The following TCF12 variants were observed in gnomAD, a reference collection of about 807,000 sequenced individuals.
The protein encoded by TCF12 is transcription factor 12.
A neutral mutation model predicts 86.0 loss-of-function variants in TCF12; 45 were observed. The ratio of observed to expected loss-of-function variants is 0.52; its 90% CI spans 0.41 to 0.67. TCF12 has a LOEUF of 0.67. Ranked by LOEUF, TCF12 falls within the 30% of genes least tolerant of loss-of-function variation. The probability of loss-of-function intolerance (pLI) is 0.00; values close to 1 mark genes in which losing one functional copy is unlikely to be tolerated. For missense variants in TCF12, 881 were observed against 859.9 expected, an observed-to-expected ratio of 1.02 and a Z score of -0.31; for synonymous variants, 330 against 299.6, an observed-to-expected ratio of 1.10 and a Z score of -1.05.
At position 57,046,701 on chromosome 15, in the gene TCF12, C is replaced by G. The variant is rs550964658; in HGVS notation, c.149-17049C>G. Among the ~76,000 whole-genome samples, 5 of 152,338 alleles carry G rather than the reference C, an allele frequency of 3.3e-5. No individual in the cohort carries two copies. In the East Asian group the frequency reaches 9.7e-4, roughly 29 times the overall value. On this transcript the variant is annotated intron_variant, in intron 3 of 20. Coordinates refer to ENST00000333725, the MANE Select transcript of TCF12 (RefSeq NM_207037.2). Reference sequence around the variant, plus strand: ...GAACTCCTGACCTCAAGTGATCCACCTGCCTTGGCCTCCCCAAGTGCTGGG... The same window carrying G: ...GAACTCCTGACCTCAAGTGATCCACGTGCCTTGGCCTCCCCAAGTGCTGGG...
intron 18 of TCF12, among the ~76,000 whole-genome samples, chr15:57,269,057 G>A (rs1445460636): frequency 6.6e-6 from 1 of 152,138 alleles, no homozygotes; most frequent in Non-Finnish European, 1.5e-5. Flanking sequence ...GTCCAGAGCT[G>A]AGTTCAAGTC....
intron 8 of TCF12, among the ~76,000 whole-genome samples, chr15:57,222,883 C>A (rs769166629): frequency 7.0e-6 from 1 of 142,896 alleles, no homozygotes; most frequent in Admixed American, 7.5e-5. Context: ...ACAGAGTATT[C>A]CAGGTATAAA....
intron 8 of TCF12, among the ~76,000 whole-genome samples, chr15:57,212,468 A>G (rs2058152360): frequency 6.6e-6 from 1 of 152,090 alleles, no homozygotes; most frequent in Non-Finnish European, 1.5e-5. Flanking sequence ...TTGTAGAGAC[A>G]GGTCTTGCCA....
intron 18 of TCF12, among the ~76,000 whole-genome samples, chr15:57,267,933 AT>A (rs2060945490): frequency 6.6e-6 from 1 of 152,252 alleles, no homozygotes. Flanking sequence ...AAAATGATGC[AT>A]GTAAAACCCT....
At chr15:57,179,595 C>T (rs757502455) in intron 6 of TCF12, among the ~76,000 whole-genome samples, 55 of 152,124 alleles carry the variant, frequency 3.6e-4, no homozygotes, top group Non-Finnish European at 7.2e-4. Context: ...TGATGGATGA[C>T]TGTCATCTTC....
intron 3 of TCF12, among the ~76,000 whole-genome samples, chr15:56,944,708 A>T (rs547990159): frequency 2.0e-5 from 3 of 152,118 alleles, no homozygotes; most frequent in African/African-American, 7.2e-5. Context: ...TACCATGGGG[A>T]CAGTGAAGTC....
intron 5 of TCF12, among the ~76,000 whole-genome samples, chr15:57,149,221 C>A (rs1263318242): frequency 6.6e-6 from 1 of 152,166 alleles, no homozygotes; most frequent in Admixed American, 6.5e-5. Flanking sequence ...CAGTGTTTTT[C>A]ATGCCCTGTG....
intron 5 of TCF12, among the ~76,000 whole-genome samples, chr15:57,104,094 G>A (rs2049948360): frequency 6.6e-6 from 1 of 152,152 alleles, no homozygotes; most frequent in South Asian, 2.1e-4. Flanking sequence ...GCAGAGTAAT[G>A]TATTATTGCA....
intron 19 of TCF12, 133 bp from the exon 20 acceptor site, chr15:57,282,312 G>A (rs1401608220): frequency 9.8e-7 from 1 of 1,019,466 alleles, no homozygotes; most frequent in Non-Finnish European, 1.5e-6. Context: ...TTTTATGTGA[G>A]CACATTGTTT....
At chr15:57,123,853 AG>A (rs1326617185) in intron 5 of TCF12, among the ~76,000 whole-genome samples, 1 of 151,766 alleles carries the variant, frequency 6.6e-6, no homozygotes, top group African/African-American at 2.4e-5. Flanking sequence ...CAAGCTACGC[AG>A]GAGGCTGAAG....
At chr15:57,030,800 G>T (rs2733171) in intron 3 of TCF12, among the ~76,000 whole-genome samples, 85,109 of 152,024 alleles carry the variant, frequency 0.56, 25,201 homozygotes, top group African/African-American at 0.75. Context: ...TTAGTAACTT[G>T]CTGATTAGTA....
At chr15:57,162,929 A>G (rs1259358242) in intron 5 of TCF12, among the ~76,000 whole-genome samples, 1 of 152,122 alleles carries the variant, frequency 6.6e-6, no homozygotes, top group Non-Finnish European at 1.5e-5. Flanking sequence ...TAATCCCAGC[A>G]CTTTGAGAGG....
chr15:57,277,268 C>G (rs114830947), intron 19 of TCF12, among the ~76,000 whole-genome samples: 1 of 151,928 alleles, frequency 6.6e-6, no homozygotes, highest in Admixed American at 6.6e-5. Context: ...GAGGCTGAAG[C>G]GAGCTGTGAT....
chr15:57,012,077 G>A (rs1324275676), intron 3 of TCF12, among the ~76,000 whole-genome samples: 3 of 152,026 alleles, frequency 2.0e-5, no homozygotes, highest in Middle Eastern at 3.2e-3. Flanking sequence ...TTCTTAAGCA[G>A]GGATCTTAAT....
chr15:57,011,124 C>A lies in TCF12; in HGVS notation c.149-52626C>A, dbSNP rs115961717. Among the ~76,000 whole-genome samples, 786 of 152,192 alleles carry A rather than the reference C, an allele frequency of 5.2e-3. 12 individuals carry two copies. The highest frequency in any genetic ancestry group is 0.018 in the African/African-American group (753 of 41,524). On this transcript the variant is annotated intron_variant, in intron 3 of 20. Coordinates refer to ENST00000333725, the MANE Select transcript of TCF12 (RefSeq NM_207037.2). ...AATCATTTTTTAAAAAAATTAAATG[C>A]TGAAGAAACAAAAGATACTAATGTG...
rs1015449943 is a variant in TCF12, at chr15:57,187,898, C to A, written c.391-4260C>A. ...TGAGCCATGATTGTGCCAGTGCACT[C>A]CAGCCTGGGAGCCTGGATGATAGAG... On this transcript the variant is annotated intron_variant, in intron 6 of 20. Coordinates refer to ENST00000333725, the MANE Select transcript of TCF12 (RefSeq NM_207037.2). Among the ~76,000 whole-genome samples the A allele has an allele frequency of 2.0e-5, 3 of 151,940 alleles. No homozygotes were observed. The East Asian group carries it at 5.8e-4, about 29-fold the overall frequency.
intron 3 of TCF12, among the ~76,000 whole-genome samples, chr15:56,962,888 T>C (rs973218798): frequency 2.0e-5 from 3 of 152,190 alleles, no homozygotes; most frequent in Non-Finnish European, 2.9e-5. Context: ...TTAATGACTT[T>C]ATTGTAGCCT....
intron 5 of TCF12, among the ~76,000 whole-genome samples, chr15:57,142,045 A>G (rs918801174): frequency 3.9e-5 from 6 of 152,092 alleles, no homozygotes; most frequent in African/African-American, 1.2e-4. Flanking sequence ...TTTTGAAGCC[A>G]GTGATCACAG....
chr15:57,253,164 T>TC lies in TCF12; in HGVS notation c.1261-98_1261-97insC, dbSNP rs547370282. The TC allele has an allele frequency of 2.1e-3, 2,766 of 1,336,350 alleles. 70 individuals are homozygous for TC. The South Asian group carries it at 0.033, about 16-fold the overall frequency. 82.8% of individuals were successfully genotyped at this position (1,336,350 alleles called of 1,614,324 possible). On this transcript the variant is annotated intron_variant, in intron 15 of 20. Transcript: ENST00000333725. ...GAAGCTACTTGATACTGCATTTCAC[T>TC]TGCTATCTTCCACATATCACATAGT...
Sources: allele counts gnomAD v4.1 joint callset (sites outside exome capture counted in the v4.1 genomes callset), GRCh38; gene constraint gnomAD v4.1.1; transcripts MANE v1.5; gene names NCBI Gene and HGNC (gene_info 2026-07-23, HGNC 2026-07-21).